Variants in KCNT1 observed in about 807,000 individuals in gnomAD.
The protein encoded by KCNT1 is potassium sodium-activated channel subfamily T member 1.
A neutral mutation model predicts 147.8 loss-of-function variants in KCNT1; 78 were observed. The observed-to-expected ratio is 0.53, with a 90% CI of 0.44 to 0.64. The LOEUF is 0.64. KCNT1 is among the 30% of genes least tolerant of loss of function. KCNT1 has a pLI of 0.00. For synonymous variants in KCNT1, 867 were observed against 748.8 expected (o/e 1.16, Z -2.58); for missense variants, 1,419 against 1,750.3 (o/e 0.81, Z 3.38).
At chr9:135,765,578 G>A in intron 12 of KCNT1, 46 bp from the exon 13 acceptor site, 1 of 1,578,600 alleles carries the variant, frequency 6.3e-7, no homozygotes. Context: ...CGCCCGGGCG[G>A]GGCAGGGGCT....
intron 24 of KCNT1, among the ~76,000 whole-genome samples, chr9:135,783,205 G>A (rs949707121): frequency 1.3e-5 from 2 of 152,240 alleles, no homozygotes; most frequent in Admixed American, 6.5e-5. Context: ...ATTAAGTCAC[G>A]GGCCTCGAGA....
chr9:135,705,202 G>A (rs916045904), intron 1 of KCNT1, among the ~76,000 whole-genome samples: 1 of 152,278 alleles, frequency 6.6e-6, no homozygotes, highest in Non-Finnish European at 1.5e-5. Flanking sequence ...GGGGCATCTC[G>A]GGCTCTCCCC....
chr9:135,792,054 TC>T lies in KCNT1; in HGVS notation c.3603del (p.Asp1202ThrfsTer63). ...GCCCTCCCGCAGCTATCTCATCCGC[TC>T]CGACCCCCTGGCTCACGTGGCCAGC... ...EPSDIVYLIR[S>X]DPLAHVASSS... On this transcript the variant is annotated frameshift_variant, in exon 31 of 31. Transcript: ENST00000371757. LOFTEE classifies it high-confidence loss of function. 1 of 1,604,056 alleles carries T rather than the reference TC, an allele frequency of 6.2e-7. No homozygotes were observed. The highest frequency in any genetic ancestry group is 8.5e-7 in the Non-Finnish European group (1 of 1,179,732).
chr9:135,785,458 C>A, intron 28 of KCNT1, 128 bp downstream of exon 28: 1 of 1,178,802 alleles, frequency 8.5e-7, no homozygotes, highest in Non-Finnish European at 1.2e-6. Flanking sequence ...GAGGCAGGAG[C>A]GGGTCCCACG....
Position 135,777,502 on chromosome 9 carries a change from G to A in KCNT1, c.2514G>A (p.Leu838=). The stretch of plus-strand genomic sequence containing the variant: ...AGCTGAACCCCATCGTGCTGCTGCT[G>A]GACAACAAGTGAGGCTCCTGGGGCT... ...RKELNPIVLL[L]DNKPDHHFLE... is the part of the protein sequence containing the mutation. The change falls in exon 21 of 31, where the codon CTG becomes CTA. Residue 838 remains leucine (L), a synonymous_variant. Transcript: ENST00000371757. 6.2e-7 allele frequency: 1 copy of A among 1,613,416 alleles called. No homozygotes were observed. Among genetic ancestry groups the A allele is most frequent in the Non-Finnish European group, 8.5e-7 (1 of 1,179,810 alleles).
chr9:135,703,073 G>T (rs867465109), intron 1 of KCNT1: 2 of 152,648 alleles, frequency 1.3e-5, no homozygotes, highest in African/African-American at 4.8e-5. Context: ...CAGCTGAGTG[G>T]GACAGTCCTG....
chr9:135,712,629 C>T (rs113048647), intron 1 of KCNT1, among the ~76,000 whole-genome samples: 41 of 152,302 alleles, frequency 2.7e-4, no homozygotes, highest in Non-Finnish European at 1.6e-4. Flanking sequence ...CCCGAGGACA[C>T]GGGGAGCAGC....
rs371287985 is a variant in KCNT1 at position 135,770,455 on chromosome 9, C to A, written c.1769+8C>A. 1.6e-5 allele frequency: 25 copies of A among 1,606,586 alleles called. No homozygotes were observed. Among genetic ancestry groups the A allele is most frequent in the African/African-American group, 1.5e-4 (11 of 74,930 alleles). On this transcript the variant is annotated splice_region_variant and intron_variant, in intron 17 of 30. Coordinates refer to ENST00000371757, the MANE Select transcript of KCNT1 (RefSeq NM_020822.3). ...CTTCCACGCCCACAAGAAGTAAGGC[C>A]GGGCTGCATCCACAGGGCTGGCGCT...
chr9:135,732,106 C>T (rs1436873441), intron 2 of KCNT1, among the ~76,000 whole-genome samples: 24 of 149,574 alleles, frequency 1.6e-4, no homozygotes, highest in East Asian at 4.0e-4. Flanking sequence ...CTGCAACCTC[C>T]GCCTCCCAGG....
chr9:135,765,780 G>C lies in KCNT1; in HGVS notation c.1337+20G>C. 6.3e-7 allele frequency: 1 copy of C among 1,578,030 alleles called. No homozygotes were observed. Among genetic ancestry groups the C allele is most frequent in the Non-Finnish European group, 8.7e-7 (1 of 1,155,660 alleles). On this transcript the variant is annotated intron_variant, in intron 13 of 30. Coordinates refer to ENST00000371757, the MANE Select transcript of KCNT1 (RefSeq NM_020822.3). ...AGCCAAGTGAGTGCTGGTGGGCGGA[G>C]GGGGTGGCATGGGGGCACCTTCCTG...
At chr9:135,729,298 G>A (rs11103149) in intron 2 of KCNT1, among the ~76,000 whole-genome samples, 20,631 of 152,268 alleles carry the variant, frequency 0.14, 1,579 homozygotes, top group South Asian at 0.18. Context: ...CTTTAGAGAT[G>A]AGGGCATATG....
At chr9:135,717,022 G>A (rs950214862) in intron 2 of KCNT1, among the ~76,000 whole-genome samples, 14 of 151,326 alleles carry the variant, frequency 9.3e-5, no homozygotes, top group South Asian at 2.1e-4. Flanking sequence ...TGCATAGGAC[G>A]GGAGGGGACC....
At chr9:135,741,465 G>A (rs187402108) in intron 2 of KCNT1, among the ~76,000 whole-genome samples, 71 of 152,376 alleles carry the variant, frequency 4.7e-4, no homozygotes, top group African/African-American at 1.5e-3. Context: ...AGGGTCCAGC[G>A]AGAGGGAAGC....
chr9:135,733,007 A>T (rs1830168089), intron 2 of KCNT1, among the ~76,000 whole-genome samples: 1 of 151,990 alleles, frequency 6.6e-6, no homozygotes, highest in South Asian at 2.1e-4. Flanking sequence ...GTTTGGACTC[A>T]GAAGACAGGA....
rs1835657268 is a variant in KCNT1 at position 135,714,846 on chromosome 9, C to G, written c.254+126C>G. The G allele has an allele frequency of 1.6e-6, 1 of 631,152 alleles. No homozygotes were observed. Among genetic ancestry groups the G allele is most frequent in the Non-Finnish European group, 2.1e-6 (1 of 476,838 alleles). 39.1% of individuals were successfully genotyped at this position (631,152 alleles called of 1,614,324 possible). A position where few individuals can be genotyped will look rare whatever the true frequency, so the allele number is the denominator to read the frequency against. ...CAGCCGCCGGCGCCCTTCAACTTTT[C>G]CCGGCTTCTGGGGACGCAGAAGTTT... is the stretch of plus-strand genomic sequence containing the variant. On this transcript the variant is annotated intron_variant, in intron 2 of 30. Coordinates refer to ENST00000371757, the MANE Select transcript of KCNT1 (RefSeq NM_020822.3). The surrounding 1 kb of genome is among the most constrained non-coding windows in gnomAD (Gnocchi z 6.2).
intron 2 of KCNT1, among the ~76,000 whole-genome samples, chr9:135,722,918 T>C (rs1431638922): frequency 6.6e-6 from 1 of 152,166 alleles, no homozygotes; most frequent in Non-Finnish European, 1.5e-5. Context: ...GGAGCAGGCT[T>C]GGAGGGAAAG....
rs770039542 is a variant in KCNT1 at position 135,771,050 on chromosome 9, G to C, written c.1963G>C (p.Glu655Gln). 6.2e-7 allele frequency: 1 copy of C among 1,612,338 alleles called. No homozygotes were observed. The highest frequency in any genetic ancestry group is 8.5e-7 in the Non-Finnish European group (1 of 1,179,484). ...GGCCTTCTCGGGGCAGGGGCTGCAC[G>C]AGGGTCCGGCCCGCCTGCCCGTGCA... The part of the protein sequence containing the change: ...KRAFSGQGLH[E>Q]GPARLPVHSI... Residue 655 changes from glutamate (E) to glutamine (Q), a missense_variant, in exon 18 of 31, where the codon GAG (glutamate) becomes CAG (glutamine). Glu to Gln is a conservative substitution (Grantham distance 29, BLOSUM62 2). Coordinates refer to ENST00000371757, the MANE Select transcript of KCNT1 (RefSeq NM_020822.3).
chr9:135,774,236 G>T (rs1366706288), intron 19 of KCNT1, among the ~76,000 whole-genome samples: 1 of 149,754 alleles, frequency 6.7e-6, no homozygotes, highest in East Asian at 2.0e-4. Flanking sequence ...TGTTGTGTGT[G>T]GTGTGTGTCC....
rs1298878104 is a variant in KCNT1, at chr9:135,714,932, G to A, written c.254+212G>A. On this transcript the variant is annotated intron_variant, in intron 2 of 30. Transcript: ENST00000371757. The surrounding 1 kb of genome is among the most constrained non-coding windows in gnomAD (Gnocchi z 6.2). The stretch of plus-strand genomic sequence containing the variant: ...GGAGGGGGTCTCCGGAGGAGGGCGC[G>A]GGATGCTCGGAGCTGCGGAGTCTTC... Among the ~76,000 whole-genome samples, 2 of 152,326 alleles carry A rather than the reference G, an allele frequency of 1.3e-5. No homozygotes were observed. The highest frequency in any genetic ancestry group is 6.5e-5 in the Admixed American group (1 of 15,310).
Sources: allele counts gnomAD v4.1 joint callset (sites outside exome capture counted in the v4.1 genomes callset), GRCh38; gene constraint gnomAD v4.1.1; non-coding constraint Gnocchi (gnomAD v3.1); transcripts MANE v1.5; gene names NCBI Gene and HGNC (gene_info 2026-07-23, HGNC 2026-07-21).